The following DAB1 variants were observed in gnomAD, a reference collection of about 807,000 sequenced individuals.
The protein encoded by DAB1 is disabled homolog 1.
DAB1 carries 15 observed loss-of-function variants against 64.6 expected under a neutral mutation model. That is an observed-to-expected ratio of 0.23 (90% CI 0.16 to 0.36). The LOEUF (loss-of-function observed/expected upper bound fraction) is 0.36, where lower values mean the gene tolerates loss of function less well. Ranked by LOEUF, DAB1 falls within the 10% of genes least tolerant of loss-of-function variation. DAB1 has a pLI of 1.00. For synonymous variants in DAB1, 235 were observed against 251.9 expected, an observed-to-expected ratio of 0.93 and a Z score of 0.64; for missense variants, 596 against 706.7, an observed-to-expected ratio of 0.84 and a Z score of 1.78.
intron 2 of DAB1, among the ~76,000 whole-genome samples, chr1:57,158,235 A>G (rs1481936122): frequency 6.6e-6 from 1 of 152,208 alleles, no homozygotes. Context: ...TATATTTTAC[A>G]TTAAGCATCA....
intron 7 of DAB1, among the ~76,000 whole-genome samples, chr1:57,445,049 C>T (rs1057276364): frequency 6.6e-6 from 1 of 152,016 alleles, no homozygotes; most frequent in African/African-American, 2.4e-5. Context: ...AGTTGGTGCT[C>T]AAATTATTTA....
chr1:58,216,333 T>C (rs974033807), intron 4 of DAB1, among the ~76,000 whole-genome samples: 6 of 152,204 alleles, frequency 3.9e-5, no homozygotes, highest in Admixed American at 1.3e-4. Context: ...TCTAGCTTCA[T>C]CCATGTCCTT....
chr1:58,163,637 A>T (rs556947420), intron 4 of DAB1, among the ~76,000 whole-genome samples: 2 of 152,334 alleles, frequency 1.3e-5, no homozygotes, highest in East Asian at 3.9e-4. Flanking sequence ...AGAGGGCAGG[A>T]TGAGCCTAAA....
At chr1:58,097,490 C>T (rs1651055397) in intron 5 of DAB1, among the ~76,000 whole-genome samples, 1 of 151,918 alleles carries the variant, frequency 6.6e-6, no homozygotes, top group Non-Finnish European at 1.5e-5. Flanking sequence ...TGACCTGATC[C>T]TCATTGGGAA....
At chr1:58,157,375 A>C (rs144346759) in intron 4 of DAB1, among the ~76,000 whole-genome samples, 32 of 152,210 alleles carry the variant, frequency 2.1e-4, no homozygotes, top group African/African-American at 7.5e-4. Flanking sequence ...CCTGTGTGAT[A>C]ACATTATAAT....
At position 57,237,453 on chromosome 1, in the gene DAB1, G is replaced by C. The variant is rs567253300; in HGVS notation, c.67+53511C>G. ...AAAAGAATTTGTTTACTTCTTTTCAGTATCAGAGCTCTGAAATAGATTTCC... is the reference window on the plus strand; with the variant it reads ...AAAAGAATTTGTTTACTTCTTTTCACTATCAGAGCTCTGAAATAGATTTCC... On this transcript the variant is annotated intron_variant, in intron 2 of 14. Transcript: ENST00000371236. Among the ~76,000 whole-genome samples the C allele has an allele frequency of 2.7e-4, 41 of 152,224 alleles. No homozygotes were observed. In the East Asian group the frequency reaches 7.9e-3, roughly 29 times the overall value.
chr1:57,794,365 G>T (rs538939371), intron 6 of DAB1, among the ~76,000 whole-genome samples: 2 of 152,338 alleles, frequency 1.3e-5, no homozygotes, highest in South Asian at 4.1e-4. Context: ...TCTAGCATTA[G>T]ATCCTCCAAC....
At chr1:57,093,871 T>G (rs1339269798) in intron 4 of DAB1, among the ~76,000 whole-genome samples, 2 of 152,096 alleles carry the variant, frequency 1.3e-5, no homozygotes, top group Non-Finnish European at 2.9e-5. Flanking sequence ...CCCAGCACTT[T>G]GGGAGGCCGA....
chr1:58,274,800 C>T (rs1001572087), intron 4 of DAB1, among the ~76,000 whole-genome samples: 3 of 152,078 alleles, frequency 2.0e-5, no homozygotes, highest in East Asian at 1.9e-4. Flanking sequence ...TTCTTTGACT[C>T]GGAAAGGGAA....
At chr1:57,980,387 C>T (rs958547735) in intron 5 of DAB1, among the ~76,000 whole-genome samples, 1 of 152,128 alleles carries the variant, frequency 6.6e-6, no homozygotes, top group African/African-American at 2.4e-5. Flanking sequence ...CAAGCACTTC[C>T]TTATCTCCAC....
At chr1:58,119,574 AT>A (rs1652612047) in intron 5 of DAB1, among the ~76,000 whole-genome samples, 1 of 152,142 alleles carries the variant, frequency 6.6e-6, no homozygotes, top group African/African-American at 2.4e-5. Flanking sequence ...CAGGCTAGCT[AT>A]GATGGACAGA....
chr1:57,594,190 G>A (rs1313481940), intron 7 of DAB1, among the ~76,000 whole-genome samples: 1 of 152,186 alleles, frequency 6.6e-6, no homozygotes, highest in Non-Finnish European at 1.5e-5. Context: ...TTGCCCCATA[G>A]GGTATTCTTG....
intron 7 of DAB1, among the ~76,000 whole-genome samples, chr1:57,479,928 C>T (rs938812154): frequency 1.3e-5 from 2 of 151,824 alleles, no homozygotes; most frequent in Non-Finnish European, 2.9e-5. Flanking sequence ...CCGAGACGGG[C>T]GGATCACGAG....
At chr1:57,928,355 A>C (rs1281367452) in intron 5 of DAB1, among the ~76,000 whole-genome samples, 2 of 152,028 alleles carry the variant, frequency 1.3e-5, no homozygotes, top group African/African-American at 2.4e-5. Flanking sequence ...GATTTCCCGT[A>C]TACTCTCCAC....
intron 5 of DAB1, chr1:58,048,898 C>A (rs1165890801): frequency 7.6e-6 from 7 of 916,996 alleles, no homozygotes; most frequent in Middle Eastern, 3.2e-4. Context: ...ATTTCAATCA[C>A]TTCCATTTTT....
At chr1:57,100,651 GGGA>G (rs1654585740) in intron 4 of DAB1, among the ~76,000 whole-genome samples, 1 of 152,092 alleles carries the variant, frequency 6.6e-6, no homozygotes, top group Non-Finnish European at 1.5e-5. Flanking sequence ...GTGGCAGAGG[GGGA>G]GAAGTTCCTA....
chr1:58,424,809 G>C (rs1644805630), intron 3 of DAB1, among the ~76,000 whole-genome samples: 1 of 152,086 alleles, frequency 6.6e-6, no homozygotes, highest in Non-Finnish European at 1.5e-5. Context: ...TTGGGGACCA[G>C]TCAAACATTA....
intron 1 of DAB1, among the ~76,000 whole-genome samples, chr1:57,368,923 A>G (rs1441253921): frequency 6.6e-6 from 1 of 152,194 alleles, no homozygotes; most frequent in Non-Finnish European, 1.5e-5. Context: ...CAGACCTATC[A>G]AAACACATAT....
intron 3 of DAB1, among the ~76,000 whole-genome samples, chr1:58,459,674 A>G (rs1038387036): frequency 6.6e-6 from 1 of 152,220 alleles, no homozygotes; most frequent in African/African-American, 2.4e-5. Flanking sequence ...ACTTTATTCT[A>G]TTTATTAGAA....
Sources: gnomAD v4.1 joint callset for allele counts (sites outside exome capture counted in the v4.1 genomes callset) on GRCh38, gnomAD v4.1.1 for gene constraint, MANE v1.5 for transcripts, NCBI Gene and HGNC (gene_info 2026-07-23, HGNC 2026-07-21) for gene names.